The following RBMS3 variants were observed in gnomAD, a reference collection of about 807,000 sequenced individuals.
The protein encoded by RBMS3 is RNA binding motif single stranded interacting protein 3.
A neutral mutation model predicts 66.8 loss-of-function variants in RBMS3; 27 were observed. The observed-to-expected ratio is 0.40, with a 90% CI of 0.30 to 0.56. RBMS3 has a LOEUF of 0.56. Ranked by LOEUF, RBMS3 falls within the 20% of genes least tolerant of loss-of-function variation. RBMS3 has a pLI of 0.40. For synonymous variants in RBMS3, 188 were observed against 183.0 expected (o/e 1.03, Z -0.22); for missense variants, 513 against 549.5 (o/e 0.93, Z 0.66).
At chr3:29,316,907 T>C (rs1489525104) in intron 1 of RBMS3, among the ~76,000 whole-genome samples, 1 of 151,714 alleles carries the variant, frequency 6.6e-6, no homozygotes, top group Non-Finnish European at 1.5e-5. Context: ...GAAATTTTAG[T>C]GATTCTTAAT....
intron 3 of RBMS3, among the ~76,000 whole-genome samples, chr3:29,555,987 T>A (rs931738103): frequency 6.6e-6 from 1 of 152,190 alleles, no homozygotes. Context: ...TCAAACCAGA[T>A]TACATTTGAA....
chr3:29,932,529 A>G (rs1157617237), intron 10 of RBMS3, among the ~76,000 whole-genome samples: 1 of 152,122 alleles, frequency 6.6e-6, no homozygotes, highest in African/African-American at 2.4e-5. Flanking sequence ...TCCACAAACC[A>G]TAGTTGGGGT....
intron 10 of RBMS3, among the ~76,000 whole-genome samples, chr3:29,923,185 A>G (rs1229327896): frequency 1.3e-5 from 2 of 152,338 alleles, no homozygotes; most frequent in Non-Finnish European, 2.9e-5. Flanking sequence ...GGAAGTGATC[A>G]GGGCTGTTTG....
intron 4 of RBMS3, among the ~76,000 whole-genome samples, chr3:29,660,107 A>G (rs1247911209): frequency 6.6e-6 from 1 of 152,138 alleles, no homozygotes; most frequent in African/African-American, 2.4e-5. Context: ...TAATTTTTTT[A>G]TAATTCCCTT....
chr3:29,506,632 G>T (rs2044190808), intron 3 of RBMS3, among the ~76,000 whole-genome samples: 1 of 151,824 alleles, frequency 6.6e-6, no homozygotes, highest in South Asian at 2.1e-4. Context: ...GCAATTTTTT[G>T]GAAGTCTTGT....
At chr3:29,918,235 A>G (rs182961811) in intron 10 of RBMS3, among the ~76,000 whole-genome samples, 2 of 152,254 alleles carry the variant, frequency 1.3e-5, no homozygotes, top group Admixed American at 1.3e-4. Context: ...AAAAATTATT[A>G]TTGGATTCTT....
intron 1 of RBMS3, among the ~76,000 whole-genome samples, chr3:29,306,788 C>T (rs1485856869): frequency 2.0e-5 from 3 of 151,824 alleles, no homozygotes; most frequent in African/African-American, 4.8e-5. Flanking sequence ...TATGTTCTCC[C>T]GTTTGACTGG....
At chr3:29,431,290 T>C (rs145743476) in intron 1 of RBMS3, among the ~76,000 whole-genome samples, 26,753 of 115,594 alleles carry the variant, frequency 0.23, 3,071 homozygotes, top group Non-Finnish European at 0.3. Context: ...TCTTTCTTTC[T>C]TTTTCCTTTT....
chr3:29,778,894 G>A (rs564424738), intron 6 of RBMS3, among the ~76,000 whole-genome samples: 97 of 151,838 alleles, frequency 6.4e-4, no homozygotes, highest in Non-Finnish European at 9.7e-4. Flanking sequence ...TGATGGAGAG[G>A]GGATACACTA....
intron 3 of RBMS3, among the ~76,000 whole-genome samples, chr3:29,505,727 T>G (rs1204786112): frequency 2.6e-5 from 4 of 151,830 alleles, no homozygotes; most frequent in Non-Finnish European, 4.4e-5. Context: ...ATGTTTCCAT[T>G]TATTTGTGTA....
At position 29,425,672 on chromosome 3, in the gene RBMS3, T is replaced by C. The variant is rs188989317; in HGVS notation, c.76-9071T>C. Among the ~76,000 whole-genome samples the C allele has an allele frequency of 7.3e-4, 111 of 152,180 alleles. 1 individual carries two copies. The highest frequency in any genetic ancestry group is 2.4e-3 in the African/African-American group (98 of 41,542). On this transcript the variant is annotated intron_variant, in intron 1 of 14. Coordinates refer to ENST00000383767, the MANE Select transcript of RBMS3 (RefSeq NM_001003793.3). ...AAAAATAAATAAAAAATAGAGATTA[T>C]GGGGAAAAACTGAACTAAAATATTA...
At chr3:29,860,219 G>A (rs1315987173) in intron 6 of RBMS3, among the ~76,000 whole-genome samples, 1 of 152,206 alleles carries the variant, frequency 6.6e-6, no homozygotes, top group Non-Finnish European at 1.5e-5. Flanking sequence ...TACAAAAGCA[G>A]TTCTAAGTTT....
chr3:29,659,880 T>A lies in RBMS3; in HGVS notation c.399+72675T>A, dbSNP rs368742439. Among the ~76,000 whole-genome samples, 9 of 152,300 alleles carry A rather than the reference T, an allele frequency of 5.9e-5. No individual in the cohort carries two copies. The South Asian group carries it at 1.0e-3, about 18-fold the overall frequency. ...CACCAAGGGTTCTTATTTCTCTACA[T>A]CCTCATCAACACTTATTACCTTCTG... On this transcript the variant is annotated intron_variant, in intron 4 of 14. Coordinates refer to ENST00000383767, the MANE Select transcript of RBMS3 (RefSeq NM_001003793.3).
At chr3:29,504,577 A>G (rs537986861) in intron 3 of RBMS3, among the ~76,000 whole-genome samples, 2 of 147,426 alleles carry the variant, frequency 1.4e-5, no homozygotes, top group East Asian at 4.0e-4. Context: ...TCTCTTTGGC[A>G]TACTGATTCT....
chr3:29,835,987 A>G (rs996271198), intron 6 of RBMS3, among the ~76,000 whole-genome samples: 2 of 151,968 alleles, frequency 1.3e-5, no homozygotes, highest in African/African-American at 2.4e-5. Context: ...GCTAATATAA[A>G]CAATTATATG....
chr3:29,483,809 A>T (rs1357106388), intron 2 of RBMS3, among the ~76,000 whole-genome samples: 1 of 152,238 alleles, frequency 6.6e-6, no homozygotes, highest in Non-Finnish European at 1.5e-5. Context: ...TTCCTCTTCT[A>T]GGAACTTTTC....
chr3:29,388,100 C>CAG, intron 1 of RBMS3, among the ~76,000 whole-genome samples: 1 of 149,272 alleles, frequency 6.7e-6, no homozygotes, highest in Admixed American at 6.6e-5. Flanking sequence ...CACACACACA[C>CAG]ACACACACAC....
intron 1 of RBMS3, among the ~76,000 whole-genome samples, chr3:29,423,411 G>T (rs1252574858): frequency 6.6e-6 from 1 of 152,146 alleles, no homozygotes; most frequent in African/African-American, 2.4e-5. Flanking sequence ...GTCAGGGGAG[G>T]TATCAGTTGA....
chr3:29,998,626 T>A (rs919692794), intron 14 of RBMS3, among the ~76,000 whole-genome samples: 1 of 152,156 alleles, frequency 6.6e-6, no homozygotes, highest in Non-Finnish European at 1.5e-5. Context: ...TCTACAACTA[T>A]CTAATCTTTG....
Sources: allele counts gnomAD v4.1 joint callset (sites outside exome capture counted in the v4.1 genomes callset), GRCh38; gene constraint gnomAD v4.1.1; transcripts MANE v1.5; gene names NCBI Gene and HGNC (gene_info 2026-07-23, HGNC 2026-07-21).